Variants in NUDT3 observed in about 807,000 individuals in gnomAD.
NUDT3 encodes the protein nudix hydrolase 3.
In NUDT3, 9 loss-of-function variants were observed where a neutral mutation model predicts 23.6. The observed-to-expected ratio is 0.38, with a 90% CI of 0.23 to 0.66. The LOEUF (loss-of-function observed/expected upper bound fraction) is 0.66. NUDT3 is among the 30% of genes least tolerant of loss of function. The pLI is 0.52. For missense variants in NUDT3, 172 were observed against 218.5 expected, an observed-to-expected ratio of 0.79 and a Z score of 1.34; for synonymous variants, 86 against 82.6, an observed-to-expected ratio of 1.04 and a Z score of -0.22.
At chr6:34,374,847 T>C (rs1182229794) in intron 1 of NUDT3, among the ~76,000 whole-genome samples, 1 of 152,182 alleles carries the variant, frequency 6.6e-6, no homozygotes, top group Non-Finnish European at 1.5e-5. Flanking sequence ...TATTATTTAT[T>C]CCCATTTTAC....
chr6:34,341,813 AGGTTCATGATGACGAGG>A, intron 2 of NUDT3, 32 bp downstream of exon 2: 1 of 1,541,008 alleles, frequency 6.5e-7, no homozygotes, highest in Non-Finnish European at 8.9e-7. Context: ...CAGATAGGAC[AGGTTCATGATGACGAGG>A]CACAGCTGTG....
At chr6:34,363,739 A>C (rs1050878081) in intron 1 of NUDT3, among the ~76,000 whole-genome samples, 1 of 152,016 alleles carries the variant, frequency 6.6e-6, no homozygotes, top group East Asian at 1.9e-4. Flanking sequence ...CAATAGAAAT[A>C]ATCATAATCA....
intron 2 of NUDT3, among the ~76,000 whole-genome samples, chr6:34,315,579 T>C (rs1006246544): frequency 1.3e-5 from 2 of 152,152 alleles, no homozygotes; most frequent in Non-Finnish European, 2.9e-5. Context: ...CAACCCTGTT[T>C]CAAAAAAAGT....
intron 2 of NUDT3, among the ~76,000 whole-genome samples, chr6:34,315,770 T>A (rs928390407): frequency 1.3e-5 from 2 of 152,184 alleles, no homozygotes; most frequent in Admixed American, 6.5e-5. Flanking sequence ...CCACTTAATA[T>A]CACAGTCTCT....
intron 1 of NUDT3, among the ~76,000 whole-genome samples, chr6:34,391,753 C>T (rs957843749): frequency 3.2e-4 from 49 of 151,412 alleles, no homozygotes; most frequent in African/African-American, 1.1e-3. Flanking sequence ...ACACCCCACC[C>T]CCACCCCTCA....
At chr6:34,337,501 C>T (rs911236572) in intron 2 of NUDT3, among the ~76,000 whole-genome samples, 1 of 152,194 alleles carries the variant, frequency 6.6e-6, no homozygotes, top group African/African-American at 2.4e-5. Flanking sequence ...TCCTATTTCA[C>T]ACTATTCTCC....
intron 2 of NUDT3, among the ~76,000 whole-genome samples, chr6:34,296,222 T>C (rs1481800412): frequency 1.3e-5 from 2 of 152,142 alleles, no homozygotes; most frequent in South Asian, 2.1e-4. Flanking sequence ...TGAGCTATGA[T>C]TGCACCACTG....
chr6:34,296,875 T>C (rs529320856), intron 2 of NUDT3, among the ~76,000 whole-genome samples: 1 of 150,668 alleles, frequency 6.6e-6, no homozygotes, highest in African/African-American at 2.4e-5. Flanking sequence ...ATGACAGAAA[T>C]ACACAGAGTG....
chr6:34,376,948 T>A (rs1764935006), intron 1 of NUDT3, among the ~76,000 whole-genome samples: 1 of 152,144 alleles, frequency 6.6e-6, no homozygotes, highest in African/African-American at 2.4e-5. Context: ...GTCTCTGGCA[T>A]GCAACAAACT....
intron 4 of NUDT3, 137 bp from the exon 5 acceptor site, chr6:34,289,068 T>G (rs1435086860): frequency 1.9e-6 from 2 of 1,065,276 alleles, no homozygotes; most frequent in African/African-American, 3.3e-5. Flanking sequence ...TCAAGCACAC[T>G]TCATATGCTT....
At chr6:34,348,757 C>G (rs1031362038) in intron 1 of NUDT3, among the ~76,000 whole-genome samples, 3 of 151,086 alleles carry the variant, frequency 2.0e-5, no homozygotes, top group Non-Finnish European at 4.4e-5. Context: ...GCCTGGGTGA[C>G]AGCGCAAGAC....
intron 2 of NUDT3, among the ~76,000 whole-genome samples, chr6:34,304,975 ATT>A (rs535349190): frequency 0.084 from 7,139 of 84,810 alleles, 166 homozygotes; most frequent in Non-Finnish European, 0.11. Context: ...CCCGGTCTGA[ATT>A]TTTTTTTTTT....
intron 1 of NUDT3, among the ~76,000 whole-genome samples, chr6:34,356,708 A>G (rs762880785): frequency 2.8e-4 from 34 of 119,770 alleles, no homozygotes; most frequent in Middle Eastern, 4.2e-3. Flanking sequence ...ACTGAGGGGG[A>G]AAAAAAAATC....
intron 1 of NUDT3, among the ~76,000 whole-genome samples, chr6:34,357,325 G>A (rs1764578081): frequency 6.6e-6 from 1 of 150,682 alleles, no homozygotes; most frequent in Non-Finnish European, 1.5e-5. Flanking sequence ...ATAATAAAAG[G>A]TTTTTTTTTA....
chr6:34,374,156 CAAAAAA>C (rs397888346), intron 1 of NUDT3, among the ~76,000 whole-genome samples: 71 of 64,716 alleles, frequency 1.1e-3, no homozygotes, highest in African/African-American at 3.3e-3. Flanking sequence ...GGCTCCCTCT[CAAAAAA>C]AAAAAAAAAA....
chr6:34,342,104 C>G, intron 1 of NUDT3, 132 bp from the exon 2 acceptor site: 1 of 757,068 alleles, frequency 1.3e-6, no homozygotes. Context: ...CAAATCACTT[C>G]TTGCAAAGTA....
intron 1 of NUDT3, among the ~76,000 whole-genome samples, chr6:34,375,439 C>A (rs1485499981): frequency 6.6e-6 from 1 of 152,210 alleles, no homozygotes; most frequent in Admixed American, 6.5e-5. Flanking sequence ...CTACATGCTG[C>A]TTTATACACA....
intron 1 of NUDT3, among the ~76,000 whole-genome samples, chr6:34,369,546 G>A (rs1581894933): frequency 1.3e-5 from 2 of 152,232 alleles, no homozygotes; most frequent in Non-Finnish European, 2.9e-5. Context: ...TTGTAAACAG[G>A]TAAGTAAGAT....
chr6:34,335,920 CATA>C (rs1442409691), intron 2 of NUDT3, among the ~76,000 whole-genome samples: 16 of 151,816 alleles, frequency 1.1e-4, no homozygotes, highest in African/African-American at 2.4e-5. Context: ...TTTATTGACA[CATA>C]ATAATTTTAA....
Sources: allele counts gnomAD v4.1 joint callset (sites outside exome capture counted in the v4.1 genomes callset), GRCh38; gene constraint gnomAD v4.1.1; transcripts MANE v1.5; gene names NCBI Gene and HGNC (gene_info 2026-07-23, HGNC 2026-07-21).